The following CIB1 variants were observed in gnomAD, a reference collection of about 807,000 sequenced individuals.
CIB1 encodes the protein calcium and integrin-binding protein 1.
In CIB1, 19 loss-of-function variants were observed where a neutral mutation model predicts 25.0. The ratio of observed to expected loss-of-function variants is 0.76; its 90% CI spans 0.53 to 1.12. CIB1 has a LOEUF of 1.12. CIB1 is among the 50% of genes most tolerant of loss of function. The pLI, the probability that CIB1 is intolerant of heterozygous loss-of-function variation, is 0.00. For missense variants in CIB1, 236 were observed against 242.6 expected, an observed-to-expected ratio of 0.97 and a Z score of 0.18; for synonymous variants, 104 against 98.5, an observed-to-expected ratio of 1.06 and a Z score of -0.33.
chr15:90,260,969 T>C, the CIB1 span, among the ~76,000 whole-genome samples: 1 of 152,104 alleles, frequency 6.6e-6, no homozygotes, highest in Non-Finnish European at 1.5e-5. Flanking sequence ...CTGCCTCAGA[T>C]TCATGCTCAT....
At chr15:90,257,088 T>C in the CIB1 span, 7 of 1,564,242 alleles carry the variant, frequency 4.5e-6, no homozygotes, top group African/African-American at 4.1e-5. Context: ...CAGCACATAG[T>C]AGGCACTTCA....
chr15:90,265,658 C>G, the CIB1 span: 15 of 1,601,978 alleles, frequency 9.4e-6, no homozygotes, highest in East Asian at 4.5e-5. Context: ...CGGTCTTACC[C>G]GGCTACTTCC....
the CIB1 span, among the ~76,000 whole-genome samples, chr15:90,246,597 T>G: frequency 2.3e-5 from 3 of 131,192 alleles, no homozygotes; most frequent in Non-Finnish European, 4.8e-5. Context: ...GAGACCAGCC[T>G]GACCAACATG....
At chr15:90,253,395 C>A in the CIB1 span, 1 of 1,568,730 alleles carries the variant, frequency 6.4e-7, no homozygotes, top group Non-Finnish European at 8.7e-7. Context: ...TGAGAGCCGA[C>A]AGGGGCTAGG....
the CIB1 span, among the ~76,000 whole-genome samples, chr15:90,249,069 G>T: frequency 6.6e-6 from 1 of 152,008 alleles, no homozygotes; most frequent in Non-Finnish European, 1.5e-5. Context: ...AATTGAGCCC[G>T]GCGTGGTGGC....
At chr15:90,232,715 T>C (rs185712301) in intron 2 of CIB1, among the ~76,000 whole-genome samples, 53 of 152,260 alleles carry the variant, frequency 3.5e-4, no homozygotes, top group Non-Finnish European at 6.2e-4. Flanking sequence ...GAGACCAGTC[T>C]GAGCAACATG....
At chr15:90,259,067 TA>T in the CIB1 span, 2 of 1,479,184 alleles carry the variant, frequency 1.4e-6, no homozygotes, top group Non-Finnish European at 1.8e-6. Flanking sequence ...ATATTTGCAT[TA>T]AAAAAATCAC....
chr15:90,233,945 T>A, upstream of CIB1: 1 of 1,437,306 alleles, frequency 7.0e-7, no homozygotes, highest in East Asian at 2.6e-5. Context: ...CTTTCTCACT[T>A]CCGCCCTTGG....
At chr15:90,236,425 C>T (rs544888776), upstream of CIB1, among the ~76,000 whole-genome samples, 31 of 152,356 alleles carry the variant, frequency 2.0e-4, 1 homozygote, top group South Asian at 6.4e-3. Flanking sequence ...CTTCACTTGG[C>T]TCTGAACCCT....
the CIB1 span, chr15:90,244,917 G>A: frequency 6.6e-6 from 1 of 152,202 alleles, no homozygotes; most frequent in African/African-American, 2.4e-5. Flanking sequence ...GAGAGTCCCT[G>A]TTCACAGCGT....
chr15:90,257,462 C>T, the CIB1 span, among the ~76,000 whole-genome samples: 1 of 151,436 alleles, frequency 6.6e-6, no homozygotes, highest in Admixed American at 6.6e-5. Flanking sequence ...GGTCAGCACC[C>T]GGAGGAGCCC....
At chr15:90,232,124 G>A in intron 3 of CIB1, 95 bp downstream of exon 3, 1 of 962,744 alleles carries the variant, frequency 1.0e-6, no homozygotes. Flanking sequence ...GGGGACCAGT[G>A]ACCCCATGAT....
At chr15:90,250,573 G>C in the CIB1 span, 3 of 1,559,166 alleles carry the variant, frequency 1.9e-6, no homozygotes, top group Non-Finnish European at 2.6e-6. Context: ...GCCTGAGGGA[G>C]GTCTGAGGTC....
chr15:90,242,499 C>T, the CIB1 span: 1 of 128,778 alleles, frequency 7.8e-6, no homozygotes, highest in African/African-American at 3.0e-5. Flanking sequence ...TTGGGGTGCA[C>T]TGGTACAATC....
the CIB1 span, among the ~76,000 whole-genome samples, chr15:90,256,593 C>CTTTCTTTCTTTCTTTCTT: frequency 1.0e-4 from 4 of 39,056 alleles, no homozygotes; most frequent in Non-Finnish European, 2.0e-4. Flanking sequence ...TTCTTTCTTT[C>CTTTCTTTCTTTCTTTCTT]TTTCTTTCTT....
chr15:90,257,408 A>T, the CIB1 span: 7 of 1,367,764 alleles, frequency 5.1e-6, no homozygotes, highest in African/African-American at 1.0e-4. Context: ...GAGCTGCAGC[A>T]TCTAGCTGGG....
At chr15:90,242,910 C>T in the CIB1 span, 1 of 152,148 alleles carries the variant, frequency 6.6e-6, no homozygotes, top group South Asian at 2.1e-4. Context: ...ATAATGGTCT[C>T]TTTAAAGGGG....
the CIB1 span, among the ~76,000 whole-genome samples, chr15:90,249,219 A>G: frequency 3.5e-5 from 3 of 84,812 alleles, no homozygotes; most frequent in East Asian, 5.0e-3. Context: ...CGTCTCAAAA[A>G]AAAAAAAAAA....
At chr15:90,241,860 T>C in the CIB1 span, 5 of 1,614,120 alleles carry the variant, frequency 3.1e-6, no homozygotes, top group Non-Finnish European at 4.2e-6. Flanking sequence ...GGCCCGGAAG[T>C]CCAGCTTTGG....
Sources: gnomAD v4.1 joint callset for allele counts (sites outside exome capture counted in the v4.1 genomes callset) on GRCh38, gnomAD v4.1.1 for gene constraint, MANE v1.5 for transcripts, NCBI Gene and HGNC (gene_info 2026-07-23, HGNC 2026-07-21) for gene names.